The following ZDHHC13 variants were observed in gnomAD, a reference collection of about 807,000 sequenced individuals.
ZDHHC13 encodes zDHHC palmitoyltransferase 13.
Under a neutral mutation model 86.0 loss-of-function variants are expected in ZDHHC13, and 85 were observed. The observed-to-expected ratio is 0.99, with a 90% CI of 0.83 to 1.18. The LOEUF (loss-of-function observed/expected upper bound fraction) is 1.18, where lower values mean the gene tolerates loss of function less well. Ranked by LOEUF, ZDHHC13 falls within the 50% of genes most tolerant of loss-of-function variation. ZDHHC13 has a pLI of 0.00. For missense variants in ZDHHC13, 711 were observed against 730.2 expected, an observed-to-expected ratio of 0.97 and a Z score of 0.30; for synonymous variants, 263 against 246.4, an observed-to-expected ratio of 1.07 and a Z score of -0.63.
At chr11:19,135,303 G>A (rs1849106455) in intron 1 of ZDHHC13, among the ~76,000 whole-genome samples, 1 of 152,224 alleles carries the variant, frequency 6.6e-6, no homozygotes, top group Non-Finnish European at 1.5e-5. Context: ...GTCAAAGAAA[G>A]GGATGACAGA....
intron 1 of ZDHHC13, among the ~76,000 whole-genome samples, chr11:19,122,434 A>G (rs1303697781): frequency 3.9e-5 from 6 of 151,948 alleles, no homozygotes; most frequent in Non-Finnish European, 7.4e-5. Context: ...TTATTACCTC[A>G]ATTCATGGCT....
chr11:19,122,027 C>T (rs1848769326), intron 1 of ZDHHC13, among the ~76,000 whole-genome samples: 1 of 152,132 alleles, frequency 6.6e-6, no homozygotes, highest in Admixed American at 6.6e-5. Flanking sequence ...GGTTACCTGT[C>T]TTCTTCTCTG....
At chr11:19,155,689 G>T in intron 8 of ZDHHC13, 107 bp from the exon 9 acceptor site, 3 of 1,149,456 alleles carry the variant, frequency 2.6e-6, no homozygotes, top group Non-Finnish European at 2.3e-6. Flanking sequence ...CTTTGTTGTT[G>T]TATTAATTGT....
chr11:19,119,493 T>G (rs984800983), intron 1 of ZDHHC13, among the ~76,000 whole-genome samples: 2 of 152,224 alleles, frequency 1.3e-5, no homozygotes, highest in Admixed American at 6.5e-5. Context: ...GAATGCTCTT[T>G]CCTTGTGTGC....
chr11:19,166,173 G>A (rs1850059777), intron 13 of ZDHHC13, 129 bp from the exon 14 acceptor site: 5 of 713,222 alleles, frequency 7.0e-6, no homozygotes. Flanking sequence ...GTACTTAAAA[G>A]CAAAGCAACA....
rs377639597 is a variant in ZDHHC13, at chr11:19,165,108, A to G, written c.1353A>G (p.Arg451=). The change falls in exon 13 of 17, where the codon CGA becomes CGG. Residue 451 remains arginine (R), a synonymous_variant. Transcript: ENST00000446113. ...ATGTATGCAACTGCTGTGTGGCTCG[A>G]TATGATCAACACTGCCTGTGGACTG... ...HCHVCNCCVA[R]YDQHCLWTGR... The G allele has an allele frequency of 1.6e-5, 25 of 1,612,870 alleles. No homozygotes were observed. Among genetic ancestry groups the G allele is most frequent in the Non-Finnish European group, 2.0e-5 (24 of 1,179,470 alleles).
At position 19,152,663 on chromosome 11, in the gene ZDHHC13, G is replaced by A; in HGVS notation, c.852G>A (p.Trp284Ter). 6.2e-7 allele frequency: 1 copy of A among 1,613,280 alleles called. No individual in the cohort carries two copies. Among genetic ancestry groups the A allele is most frequent in the Non-Finnish European group, 8.5e-7 (1 of 1,179,380 alleles). The part of the protein sequence containing the change: ...KMRANQKFRL[W>*]RWLQKCELFL... ...GAGCCAACCAAAAGTTCAGACTTTGGAGGTGGCTGCAGAAATGCGAGGTAT... is the reference window on the plus strand; with the variant it reads ...GAGCCAACCAAAAGTTCAGACTTTGAAGGTGGCTGCAGAAATGCGAGGTAT... Residue 284 changes from tryptophan to a stop codon, truncating the protein, a stop_gained, in exon 8 of 17, where the codon TGG (tryptophan) becomes TGA (stop). Coordinates refer to ENST00000446113, the MANE Select transcript of ZDHHC13 (RefSeq NM_019028.3). LOFTEE classifies it high-confidence loss of function.
At position 19,153,069 on chromosome 11, in the gene ZDHHC13, A is replaced by G. The variant is rs74437819; in HGVS notation, c.873+385A>G. Among the ~76,000 whole-genome samples the G allele has an allele frequency of 8.8e-3, 1,341 of 152,298 alleles. 24 individuals are homozygous for G. The highest frequency in any genetic ancestry group is 0.031 in the African/African-American group (1,275 of 41,560). ...TCCTTACTAAAATTTTATTTCTTGAAAAGAAAATAATAACATTTACAATGT... is the reference window on the plus strand; with the variant it reads ...TCCTTACTAAAATTTTATTTCTTGAGAAGAAAATAATAACATTTACAATGT... On this transcript the variant is annotated intron_variant, in intron 8 of 16. Transcript: ENST00000446113.
At chr11:19,169,551 G>T (rs1850162256) in intron 14 of ZDHHC13, 1 of 985,466 alleles carries the variant, frequency 1.0e-6, no homozygotes, top group Non-Finnish European at 1.2e-6. Flanking sequence ...CAAATTGTCA[G>T]AGGCATTTAT....
rs76972096 is a variant in ZDHHC13 at position 19,155,684 on chromosome 11, T to G, written c.874-112T>G. ...AGAGGAAAACTTTGTGTTAGCTTTG[T>G]TGTTGTATTAATTGTTATTATATAC... is the stretch of plus-strand genomic sequence containing the variant. On this transcript the variant is annotated intron_variant, in intron 8 of 16. Transcript: ENST00000446113. 1,627 of 1,143,428 alleles carry G rather than the reference T, an allele frequency of 1.4e-3. 12 individuals are homozygous for G. In the African/African-American group the frequency reaches 0.025, roughly 17 times the overall value. The allele number at this position is 1,143,428 out of a possible 1,614,324, so 70.8% of individuals were successfully genotyped here. A position where few individuals can be genotyped will look rare whatever the true frequency, so the allele number is the denominator to read the frequency against.
rs1266593751 is a variant in ZDHHC13, at chr11:19,117,690, A to T, written c.27+414A>T. On this transcript the variant is annotated intron_variant, in intron 1 of 16. Coordinates refer to ENST00000446113, the MANE Select transcript of ZDHHC13 (RefSeq NM_019028.3). The surrounding 1 kb of genome is among the most constrained non-coding windows in gnomAD (Gnocchi z 4.2). ...GAGCGGTTCTGTTGATTTCTTTTTCAGCCCTGGCGTCTTAGCACCCGCCTT... is the reference window on the plus strand; with the variant it reads ...GAGCGGTTCTGTTGATTTCTTTTTCTGCCCTGGCGTCTTAGCACCCGCCTT... 1 of 187,062 alleles carries T rather than the reference A, an allele frequency of 5.3e-6. No homozygotes were observed. Among genetic ancestry groups the T allele is most frequent in the Non-Finnish European group, 1.1e-5 (1 of 91,436 alleles). The allele number at this position is 187,062 out of a possible 1,614,324, so 11.6% of individuals were successfully genotyped here. A position where few individuals can be genotyped will look rare whatever the true frequency, so the allele number is the denominator to read the frequency against.
At chr11:19,131,201 G>A (rs770112362) in intron 1 of ZDHHC13, among the ~76,000 whole-genome samples, 1 of 152,134 alleles carries the variant, frequency 6.6e-6, no homozygotes, top group Non-Finnish European at 1.5e-5. Context: ...TGTATTTTCA[G>A]TAGAGACGGG....
At chr11:19,157,663 A>G (rs1849795136) in intron 9 of ZDHHC13, among the ~76,000 whole-genome samples, 1 of 152,224 alleles carries the variant, frequency 6.6e-6, no homozygotes, top group South Asian at 2.1e-4. Context: ...CAGGGATCAG[A>G]GTCATCACTC....
At chr11:19,138,724 T>A in intron 1 of ZDHHC13, among the ~76,000 whole-genome samples, 1 of 151,680 alleles carries the variant, frequency 6.6e-6, no homozygotes, top group Non-Finnish European at 1.5e-5. Flanking sequence ...CATGATCAAG[T>A]GGGCTTCATA....
chr11:19,168,540 C>T (rs1225506444), intron 14 of ZDHHC13: 1 of 152,592 alleles, frequency 6.6e-6, no homozygotes, highest in Non-Finnish European at 1.5e-5. Context: ...ACCTTATATT[C>T]ACTTACAACT....
At chr11:19,148,633 G>A (rs1312269275) in intron 4 of ZDHHC13, 2 of 152,182 alleles carry the variant, frequency 1.3e-5, no homozygotes, top group African/African-American at 2.4e-5. Context: ...CAGGTTTAGG[G>A]TAGATTGGGA....
intron 16 of ZDHHC13, among the ~76,000 whole-genome samples, chr11:19,175,490 G>A (rs1280058709): frequency 6.7e-6 from 1 of 149,872 alleles, no homozygotes; most frequent in African/African-American, 2.5e-5. Flanking sequence ...ATCAAGGTCT[G>A]AATTAGGGAA....
intron 1 of ZDHHC13, among the ~76,000 whole-genome samples, chr11:19,138,455 T>C (rs1849211519): frequency 6.6e-6 from 1 of 150,456 alleles, no homozygotes; most frequent in Non-Finnish European, 1.5e-5. Context: ...CAGGACCAGA[T>C]GGATTCACAG....
intron 4 of ZDHHC13, 54 bp downstream of exon 4, chr11:19,147,727 C>A: frequency 1.5e-6 from 2 of 1,307,716 alleles, no homozygotes; most frequent in Non-Finnish European, 2.1e-6. Flanking sequence ...TAGTGGTCAC[C>A]ATATAAAAAA....
Sources: gnomAD v4.1 joint callset for allele counts (sites outside exome capture counted in the v4.1 genomes callset) on GRCh38, gnomAD v4.1.1 for gene constraint, Gnocchi (gnomAD v3.1) non-coding constraint, MANE v1.5 for transcripts, NCBI Gene and HGNC (gene_info 2026-07-23, HGNC 2026-07-21) for gene names.